ANXA4: variants seen among roughly 807,000 people sequenced by gnomAD.
ANXA4 encodes 35-beta calcimedin.
ANXA4 carries 39 observed loss-of-function variants against 49.8 expected under a neutral mutation model. The observed-to-expected ratio is 0.78, with a 90% CI of 0.61 to 1.02. The LOEUF (loss-of-function observed/expected upper bound fraction) is 1.02. ANXA4 is among the 50% of genes least tolerant of loss of function. ANXA4 has a pLI of 0.00. For missense variants in ANXA4, 360 were observed against 410.1 expected, an observed-to-expected ratio of 0.88 and a Z score of 1.05; for synonymous variants, 134 against 152.5, an observed-to-expected ratio of 0.88 and a Z score of 0.89.
intron 1 of ANXA4, among the ~76,000 whole-genome samples, chr2:69,775,113 G>C (rs1347399723): frequency 1.3e-5 from 2 of 152,150 alleles, no homozygotes; most frequent in Admixed American, 6.5e-5. Context: ...ACTATACCCT[G>C]TGGTTTCAAT....
chr2:69,653,575 C>G (rs966230778), intron 2 of ANXA4, among the ~76,000 whole-genome samples: 1 of 152,148 alleles, frequency 6.6e-6, no homozygotes, highest in Non-Finnish European at 1.5e-5. Flanking sequence ...TTAGGATAGC[C>G]TAGCAATTAC....
At chr2:69,740,239 G>A (rs533011431), upstream of ANXA4, among the ~76,000 whole-genome samples, 50 of 151,150 alleles carry the variant, frequency 3.3e-4, no homozygotes, top group Admixed American at 1.2e-3. Flanking sequence ...ACAGGTTTTC[G>A]CCATGTAGCC....
rs1437803233 is a variant in ANXA4, at chr2:69,656,251, G to A, written n.766+2969G>A. On this transcript the variant is annotated intron_variant and non_coding_transcript_variant, in intron 2 of 3. Coordinates refer to the ANXA4 transcript ENST00000418066. ...TATGTATATATATACGTATATATAT[G>A]TATATACGTATATATATGTATATAC... Among the ~76,000 whole-genome samples the A allele has an allele frequency of 9.7e-4, 75 of 77,020 alleles. 1 individual carries two copies. Among genetic ancestry groups the A allele is most frequent in the Middle Eastern group, 7.5e-3 (1 of 134 alleles). 50.5% of individuals were successfully genotyped at this position (77,020 alleles called of 152,430 possible).
At chr2:69,810,932 T>C in intron 7 of ANXA4, 1 of 476,018 alleles carries the variant, frequency 2.1e-6, no homozygotes, top group Non-Finnish European at 3.8e-6. Flanking sequence ...TTGAGAGTTA[T>C]GAAGATGATT....
At position 69,706,263 on chromosome 2, in the gene ANXA4, G is replaced by A. The variant is rs1379538576; in HGVS notation, n.767-14511G>A. Among the ~76,000 whole-genome samples, 8 of 73,290 alleles carry A rather than the reference G, an allele frequency of 1.1e-4. No individual in the cohort carries two copies. In the South Asian group the frequency reaches 3.8e-3, roughly 35 times the overall value. 48.1% of individuals were successfully genotyped at this position (73,290 alleles called of 152,430 possible). A position where few individuals can be genotyped will look rare whatever the true frequency, so the allele number is the denominator to read the frequency against. On this transcript the variant is annotated intron_variant and non_coding_transcript_variant, in intron 2 of 3. Coordinates refer to the ANXA4 transcript ENST00000418066. ...ATGATTATACTTTTTCCTTTGATCT[G>A]TTAATATAGTAGCACATTGGTACAA... is the stretch of plus-strand genomic sequence containing the variant.
intron 3 of ANXA4, among the ~76,000 whole-genome samples, chr2:69,798,889 T>G (rs1673062452): frequency 6.6e-6 from 1 of 152,154 alleles, no homozygotes; most frequent in Non-Finnish European, 1.5e-5. Flanking sequence ...CGACCAGATA[T>G]TGAGGTCAAG....
chr2:69,703,393 T>G (rs1206947117), intron 2 of ANXA4, among the ~76,000 whole-genome samples: 2 of 152,128 alleles, frequency 1.3e-5, no homozygotes, highest in East Asian at 1.9e-4. Flanking sequence ...AAAAGAAACC[T>G]TCCACCCATT....
chr2:69,740,843 G>C (rs1290552483), upstream of ANXA4, among the ~76,000 whole-genome samples: 1 of 145,590 alleles, frequency 6.9e-6, no homozygotes, highest in African/African-American at 2.6e-5. Flanking sequence ...CACCACACCC[G>C]GCTATATATA....
intron 1 of ANXA4, among the ~76,000 whole-genome samples, chr2:69,758,903 C>A (rs1279816647): frequency 6.6e-6 from 1 of 152,076 alleles, no homozygotes; most frequent in Non-Finnish European, 1.5e-5. Flanking sequence ...GAGGCTGAGC[C>A]TCGCAGATCA....
chr2:69,723,248 T>C (rs1669868892), intron 3 of ANXA4, among the ~76,000 whole-genome samples: 1 of 145,950 alleles, frequency 6.9e-6, no homozygotes, highest in Non-Finnish European at 1.5e-5. Flanking sequence ...ACCAATGAAA[T>C]AGAAAACAAA....
At chr2:69,774,069 C>T (rs989252606) in intron 1 of ANXA4, among the ~76,000 whole-genome samples, 4 of 151,846 alleles carry the variant, frequency 2.6e-5, no homozygotes, top group Admixed American at 6.6e-5. Flanking sequence ...GTGATCTGCC[C>T]GCCCCTGCCT....
chr2:69,647,195 A>G (rs1245111656), intron 1 of ANXA4, among the ~76,000 whole-genome samples: 1 of 152,004 alleles, frequency 6.6e-6, no homozygotes, highest in Non-Finnish European at 1.5e-5. Context: ...ACCTGCTTTC[A>G]GTCTCTGCCA....
intron 8 of ANXA4, chr2:69,815,454 A>G (rs1291321737): frequency 6.6e-6 from 1 of 152,248 alleles, no homozygotes; most frequent in East Asian, 1.9e-4. Context: ...CAAGCTGCTT[A>G]TTAAAAATGA....
At chr2:69,785,656 G>A (rs944584361) in intron 2 of ANXA4, among the ~76,000 whole-genome samples, 6 of 151,980 alleles carry the variant, frequency 3.9e-5, no homozygotes. Context: ...TCCTGTTTCT[G>A]TGAGTTATTA....
chr2:69,662,807 C>G (rs937462564), intron 2 of ANXA4, among the ~76,000 whole-genome samples: 1 of 151,578 alleles, frequency 6.6e-6, no homozygotes, highest in Non-Finnish European at 1.5e-5. Flanking sequence ...CTTAGGGTTG[C>G]GAGATAAAAT....
intron 2 of ANXA4, among the ~76,000 whole-genome samples, chr2:69,691,800 T>C (rs1677981667): frequency 6.6e-6 from 1 of 152,212 alleles, no homozygotes; most frequent in Admixed American, 6.5e-5. Context: ...TAGAGCTGCC[T>C]AGCCATTATA....
intron 3 of ANXA4, among the ~76,000 whole-genome samples, chr2:69,799,673 T>G (rs1194553255): frequency 6.6e-6 from 1 of 152,204 alleles, no homozygotes; most frequent in Non-Finnish European, 1.5e-5. Context: ...ACCTTCATGC[T>G]GGGTAGGTAC....
chr2:69,810,976 T>C (rs984557618), intron 7 of ANXA4: 3 of 335,674 alleles, frequency 8.9e-6, no homozygotes, highest in African/African-American at 6.2e-5. Context: ...GAGTATATAT[T>C]GTCATAAGGG....
chr2:69,696,906 C>T (rs1208304379), intron 2 of ANXA4, among the ~76,000 whole-genome samples: 2 of 152,126 alleles, frequency 1.3e-5, no homozygotes, highest in East Asian at 1.9e-4. Context: ...GTGCTGTCAT[C>T]CAGGCTTTGT....
Sources: gnomAD v4.1 joint callset for allele counts (sites outside exome capture counted in the v4.1 genomes callset) on GRCh38, gnomAD v4.1.1 for gene constraint, MANE v1.5 for transcripts, NCBI Gene and HGNC (gene_info 2026-07-23, HGNC 2026-07-21) for gene names.